USP39: variants seen among roughly 807,000 people sequenced by gnomAD.
The protein encoded by USP39 is ubiquitin specific peptidase 39, also known as ubiquitin carboxyl-terminal hydrolase 39.
A neutral mutation model predicts 66.4 loss-of-function variants in USP39; 38 were observed. That is an observed-to-expected ratio of 0.57 (90% CI 0.44 to 0.75). The LOEUF is 0.75. USP39 is among the 30% of genes least tolerant of loss of function. USP39 has a pLI of 0.00. For missense variants in USP39, 608 were observed against 714.4 expected, an observed-to-expected ratio of 0.85 and a Z score of 1.70; for synonymous variants, 303 against 274.6, an observed-to-expected ratio of 1.10 and a Z score of -1.02.
chr2:85,618,850 A>C (rs555659507), intron 1 of USP39, among the ~76,000 whole-genome samples: 2 of 151,990 alleles, frequency 1.3e-5, no homozygotes, highest in Admixed American at 6.5e-5. Context: ...GCTCACTGCA[A>C]CCGCCTTCTC....
upstream of USP39, among the ~76,000 whole-genome samples, chr2:85,612,580 G>A (rs1412401580): frequency 3.3e-5 from 5 of 152,222 alleles, no homozygotes; most frequent in Non-Finnish European, 7.3e-5. Context: ...TCACGGCGCC[G>A]ATGGCTTAAC....
intron 12 of USP39, 39 bp from the exon 13 acceptor site, chr2:85,648,722 T>G (rs1469900915): frequency 4.4e-6 from 7 of 1,607,660 alleles, no homozygotes; most frequent in Non-Finnish European, 6.0e-6. Flanking sequence ...GTTGACTGAA[T>G]GCCTCCTAGA....
chr2:85,616,135 C>T (rs539123262), upstream of USP39: 69 of 1,403,180 alleles, frequency 4.9e-5, no homozygotes, highest in Admixed American at 2.0e-3. Flanking sequence ...CCTGATTGGC[C>T]TTGTGCCGCG....
intron 9 of USP39, 113 bp downstream of exon 9, chr2:85,639,504 G>C: frequency 2.6e-6 from 3 of 1,159,018 alleles, no homozygotes; most frequent in Non-Finnish European, 3.5e-6. Flanking sequence ...GCCCAGGCTG[G>C]AGTGCAGTGG....
chr2:85,608,726 A>G, upstream of USP39: 1 of 315,066 alleles, frequency 3.2e-6, no homozygotes, highest in East Asian at 6.0e-5. Flanking sequence ...AAAAAAAAAA[A>G]AAAGAATTCC....
At chr2:85,609,056 T>G (rs1413118114), upstream of USP39, 1 of 1,614,212 alleles carries the variant, frequency 6.2e-7, no homozygotes, top group Non-Finnish European at 8.5e-7. Context: ...TCACCTTTCC[T>G]GGGTCATCAC....
upstream of USP39, among the ~76,000 whole-genome samples, chr2:85,612,958 GC>G (rs1279369523): frequency 4.1e-5 from 5 of 121,472 alleles, no homozygotes; most frequent in Non-Finnish European, 8.2e-5. Context: ...ACCGTGCCCG[GC>G]CCCTTTTTTT....
intron 12 of USP39, among the ~76,000 whole-genome samples, chr2:85,648,218 G>A (rs1676794773): frequency 6.6e-6 from 1 of 152,196 alleles, no homozygotes; most frequent in Admixed American, 6.5e-5. Context: ...GAAGTATAAG[G>A]AAGTGTAGAA....
intron 8 of USP39, among the ~76,000 whole-genome samples, chr2:85,638,838 A>ATTTT (rs199596765): frequency 1.5e-5 from 2 of 132,308 alleles, no homozygotes. Flanking sequence ...TGCCCGGCCA[A>ATTTT]TTTTTTTTTT....
chr2:85,645,206 A>G (rs2104359653), intron 11 of USP39, 123 bp downstream of exon 11: 1 of 1,359,462 alleles, frequency 7.4e-7, no homozygotes. Flanking sequence ...TCTGCAAGTA[A>G]TAGTGCTGTC....
intron 10 of USP39, 149 bp from the exon 11 acceptor site, chr2:85,644,799 G>T: frequency 1.1e-6 from 1 of 892,122 alleles, no homozygotes; most frequent in Non-Finnish European, 1.6e-6. Flanking sequence ...GAATTCCAAC[G>T]CACCTGGACC....
rs527271940 is a variant in USP39 at position 85,633,790 on chromosome 2, T to C, written c.950-2263T>C. ...CTGTAAAATAAAAAGAAAAACATTATTCTGGCTGAGGATTGACTTAGAGGG... is the reference window on the plus strand; with the variant it reads ...CTGTAAAATAAAAAGAAAAACATTACTCTGGCTGAGGATTGACTTAGAGGG... On this transcript the variant is annotated intron_variant, in intron 6 of 12. Transcript: ENST00000323701. Among the ~76,000 whole-genome samples, 12 of 151,378 alleles carry C rather than the reference T, an allele frequency of 7.9e-5. 1 individual carries two copies. The South Asian group carries it at 2.5e-3, about 32-fold the overall frequency.
At chr2:85,643,564 GAAAAT>G (rs760372498) in intron 10 of USP39, among the ~76,000 whole-genome samples, 4 of 151,668 alleles carry the variant, frequency 2.6e-5, no homozygotes, top group Non-Finnish European at 4.4e-5. Context: ...AGGCTGAAGA[GAAAAT>G]AAAATGAGAA....
chr2:85,621,728 G>C lies in USP39; in HGVS notation c.433+149G>C, dbSNP rs571670338. ...AATATTCTTAGAAAACCAATAAGAG[G>C]TTCTCTGACTGGTCAGAACCTGGAT... On this transcript the variant is annotated intron_variant, in intron 3 of 12. Transcript: ENST00000323701. 131 of 664,216 alleles carry C rather than the reference G, an allele frequency of 2.0e-4. No individual in the cohort carries two copies. The African/African-American group carries it at 2.2e-3, about 11-fold the overall frequency. 41.1% of individuals were successfully genotyped at this position (664,216 alleles called of 1,614,324 possible).
At chr2:85,632,966 C>T (rs1228363202) in intron 6 of USP39, among the ~76,000 whole-genome samples, 1 of 152,078 alleles carries the variant, frequency 6.6e-6, no homozygotes, top group East Asian at 1.9e-4. Flanking sequence ...AGAAAAGTGC[C>T]TGGCATAGTC....
intron 1 of USP39, chr2:85,606,845 G>C (rs150454010): frequency 6.9e-6 from 1 of 145,808 alleles, no homozygotes; most frequent in East Asian, 2.0e-4. Flanking sequence ...GCAGTGGTGT[G>C]ATCTCGGCTC....
Position 85,630,711 on chromosome 2 carries a change from T to G in USP39, c.724-10T>G. ...GGGGCTTTGGGTTAATCGGAGTGTT[T>G]GATTTTTAGGCTCTATCTAATGTTC... On this transcript the variant is annotated splice_polypyrimidine_tract_variant and intron_variant, in intron 5 of 12. Transcript: ENST00000323701. 2 of 1,613,708 alleles carry G rather than the reference T, an allele frequency of 1.2e-6. No homozygotes were observed. Among genetic ancestry groups the G allele is most frequent in the South Asian group, 2.2e-5 (2 of 91,052 alleles).
chr2:85,627,366 A>G (rs908186660), intron 5 of USP39, among the ~76,000 whole-genome samples: 7 of 152,278 alleles, frequency 4.6e-5, no homozygotes, highest in South Asian at 2.1e-4. Context: ...AAGTGCTGGG[A>G]TTACAGGTGT....
chr2:85,621,541 A>G lies in USP39; in HGVS notation c.395A>G (p.Asn132Ser). The G allele has an allele frequency of 1.2e-6, 2 of 1,613,864 alleles. No homozygotes were observed. Among genetic ancestry groups the G allele is most frequent in the Non-Finnish European group, 8.5e-7 (1 of 1,179,994 alleles). The stretch of plus-strand genomic sequence containing the variant: ...TGTTCTATCTCCCTCTCACACATCA[A>G]TGCTTATGCCTGTCTGGTGTGTGGC... ...KLCSISLSHI[N>S]AYACLVCGKY... The change falls in exon 3 of 13, where the codon AAT becomes AGT. Residue 132 changes from asparagine (N) to serine (S), a missense_variant. This residue lies in a region of USP39 where 115 missense variants were observed against 198.6 expected (regional missense o/e 0.58). Transcript: ENST00000323701.
Sources: allele counts gnomAD v4.1 joint callset (sites outside exome capture counted in the v4.1 genomes callset), GRCh38; gene constraint gnomAD v4.1.1; regional missense constraint gnomAD v4.1.1; transcripts MANE v1.5; gene names NCBI Gene and HGNC (gene_info 2026-07-23, HGNC 2026-07-21).